RFX7: variants seen among roughly 807,000 people sequenced by gnomAD.
The protein encoded by RFX7 is regulatory factor X7, also known as DNA-binding protein RFX7.
A neutral mutation model predicts 111.8 loss-of-function variants in RFX7; 26 were observed. The observed-to-expected ratio is 0.23, with a 90% CI of 0.17 to 0.32. RFX7 has a LOEUF of 0.32. Ranked by LOEUF, RFX7 falls within the 10% of genes least tolerant of loss-of-function variation. The pLI is 1.00. For missense variants in RFX7, 1,573 were observed against 1,772.9 expected, an observed-to-expected ratio of 0.89 and a Z score of 2.02; for synonymous variants, 624 against 624.4, an observed-to-expected ratio of 1.00 and a Z score of 0.01.
At chr15:56,193,559 T>C (rs1445025453) in intron 2 of RFX7, among the ~76,000 whole-genome samples, 2 of 152,188 alleles carry the variant, frequency 1.3e-5, no homozygotes, top group Non-Finnish European at 2.9e-5. Context: ...GTCTGGTATT[T>C]TGGTATTAGA....
At chr15:56,129,937 A>G (rs1284001000) in intron 5 of RFX7, among the ~76,000 whole-genome samples, 2 of 152,178 alleles carry the variant, frequency 1.3e-5, no homozygotes, top group East Asian at 3.8e-4. Flanking sequence ...CCATTTGTAA[A>G]TGGTAGCTGA....
chr15:56,138,384 T>C (rs1258064449), intron 5 of RFX7, among the ~76,000 whole-genome samples: 2 of 150,862 alleles, frequency 1.3e-5, no homozygotes, highest in Non-Finnish European at 2.9e-5. Flanking sequence ...CTTCTTTGTC[T>C]CTTTTGATCT....
intron 3 of RFX7, among the ~76,000 whole-genome samples, chr15:56,172,439 AG>A (rs1390536550): frequency 6.6e-6 from 1 of 152,158 alleles, no homozygotes; most frequent in African/African-American, 2.4e-5. Context: ...GTAAAAAATA[AG>A]AAAATAAAGA....
At chr15:56,098,008 C>T (rs1244632012) in intron 9 of RFX7, 73 bp downstream of exon 9, 1 of 1,416,834 alleles carries the variant, frequency 7.1e-7, no homozygotes. Context: ...GCCTTCTTTT[C>T]ATCTGCCACT....
Position 56,137,492 on chromosome 15 carries a change from C to T in RFX7, c.401+5286G>A, listed in dbSNP as rs372682225. On this transcript the variant is annotated intron_variant, in intron 5 of 9. Coordinates refer to ENST00000559447, the MANE Select transcript of RFX7 (RefSeq NM_022841.7). Reference sequence around the variant, plus strand: ...TTTATCATTTTTTATTGCATCTATTCGATTCTTCTCTCTTTTTTTCTTATT... The same window carrying T: ...TTTATCATTTTTTATTGCATCTATTTGATTCTTCTCTCTTTTTTTCTTATT... 2.7e-4 allele frequency among the ~76,000 whole-genome samples: 41 copies of T among 152,044 alleles called. 1 individual carries two copies. Among genetic ancestry groups the T allele is most frequent in the Admixed American group, 8.5e-4 (13 of 15,262 alleles).
intron 2 of RFX7, among the ~76,000 whole-genome samples, chr15:56,200,115 C>T (rs2043179694): frequency 6.6e-6 from 1 of 152,118 alleles, no homozygotes; most frequent in African/African-American, 2.4e-5. Flanking sequence ...AGTAAATAAG[C>T]TGAATTAAAG....
At chr15:56,142,598 C>A (rs550924779) in intron 5 of RFX7, among the ~76,000 whole-genome samples, 180 bp downstream of exon 5, 3 of 152,196 alleles carry the variant, frequency 2.0e-5, no homozygotes, top group South Asian at 2.1e-4. Context: ...TTAATCCTGC[C>A]CCCCTTTATT....
chr15:56,186,018 G>A (rs1480915210), intron 2 of RFX7, among the ~76,000 whole-genome samples: 2 of 152,154 alleles, frequency 1.3e-5, no homozygotes, highest in Non-Finnish European at 2.9e-5. Context: ...AGACCAATTT[G>A]TATACGGATT....
chr15:56,116,848 A>C lies in RFX7; in HGVS notation c.402-13178T>G, dbSNP rs117186351. On this transcript the variant is annotated intron_variant, in intron 5 of 9. Coordinates refer to ENST00000559447, the MANE Select transcript of RFX7 (RefSeq NM_022841.7). Reference sequence around the variant, plus strand: ...TTGTACAAACATTGTACAGTTGTACAAATTGTACAAACATTGTACAGTTGT... The same window carrying C: ...TTGTACAAACATTGTACAGTTGTACCAATTGTACAAACATTGTACAGTTGT... Among the ~76,000 whole-genome samples, 349 of 151,446 alleles carry C rather than the reference A, an allele frequency of 2.3e-3. 8 individuals carry two copies. In the East Asian group the frequency reaches 0.042, roughly 18 times the overall value.
At chr15:56,217,827 T>G (rs889100175) in intron 2 of RFX7, among the ~76,000 whole-genome samples, 6 of 152,190 alleles carry the variant, frequency 3.9e-5, no homozygotes, top group Non-Finnish European at 8.8e-5. Flanking sequence ...ATGACAGTAA[T>G]CCATATTCTT....
At chr15:56,179,574 A>G (rs1428955496) in intron 2 of RFX7, among the ~76,000 whole-genome samples, 3 of 152,144 alleles carry the variant, frequency 2.0e-5, no homozygotes, top group Admixed American at 6.6e-5. Flanking sequence ...TTAACAGTGT[A>G]TAAGTGCAGA....
rs377297635 is a variant in RFX7, at chr15:56,171,627, G to A, written c.195+7643C>T. Among the ~76,000 whole-genome samples the A allele has an allele frequency of 1.2e-4, 18 of 152,134 alleles. 1 individual carries two copies. The highest frequency in any genetic ancestry group is 1.0e-3 in the South Asian group (5 of 4,810). ...CTGCTAACAACTTAGTTTTATCCCC[G>A]TGAAACCCATGTCAGACTGCTGGCA... On this transcript the variant is annotated intron_variant, in intron 3 of 9. Coordinates refer to ENST00000559447, the MANE Select transcript of RFX7 (RefSeq NM_022841.7).
chr15:56,148,587 A>G (rs1159924281), intron 3 of RFX7, among the ~76,000 whole-genome samples: 1 of 152,186 alleles, frequency 6.6e-6, no homozygotes, highest in African/African-American at 2.4e-5. Flanking sequence ...GGTTGACAAA[A>G]AATACTGACA....
chr15:56,185,096 A>G (rs2043023839), intron 2 of RFX7, among the ~76,000 whole-genome samples: 1 of 152,236 alleles, frequency 6.6e-6, no homozygotes, highest in Non-Finnish European at 1.5e-5. Flanking sequence ...AGCACACAAA[A>G]GAAAGACTTT....
chr15:56,173,301 C>T (rs1235113565), intron 3 of RFX7, among the ~76,000 whole-genome samples: 1 of 152,138 alleles, frequency 6.6e-6, no homozygotes, highest in Non-Finnish European at 1.5e-5. Context: ...TCCAGTTCTG[C>T]TGAAACAAAC....
intron 2 of RFX7, among the ~76,000 whole-genome samples, chr15:56,220,855 T>C (rs1264652580): frequency 6.6e-6 from 1 of 152,206 alleles, no homozygotes; most frequent in East Asian, 1.9e-4. Context: ...GATTTTTGTA[T>C]ATGATATAAG....
intron 5 of RFX7, among the ~76,000 whole-genome samples, chr15:56,107,501 T>C (rs2041847847): frequency 1.3e-5 from 2 of 152,056 alleles, no homozygotes; most frequent in East Asian, 3.8e-4. Flanking sequence ...AAGGTAAACA[T>C]TGTTTAATGG....
chr15:56,242,354 G>A (rs2043704156), intron 2 of RFX7, among the ~76,000 whole-genome samples: 2 of 152,260 alleles, frequency 1.3e-5, no homozygotes, highest in Middle Eastern at 3.4e-3. Flanking sequence ...ATTATTAAAA[G>A]ATTCCCACTA....
intron 2 of RFX7, among the ~76,000 whole-genome samples, chr15:56,213,547 G>T (rs2043333222): frequency 6.6e-6 from 1 of 152,128 alleles, no homozygotes; most frequent in Non-Finnish European, 1.5e-5. Context: ...GTAAGAAGTG[G>T]GTAGGGATAT....
Sources: gnomAD v4.1 joint callset for allele counts (sites outside exome capture counted in the v4.1 genomes callset) on GRCh38, gnomAD v4.1.1 for gene constraint, MANE v1.5 for transcripts, NCBI Gene and HGNC (gene_info 2026-07-23, HGNC 2026-07-21) for gene names.